The following RUBCNL variants were observed in gnomAD, a reference collection of about 807,000 sequenced individuals.
The protein encoded by RUBCNL is rubicon like autophagy enhancer, also known as protein associated with UVRAG as autophagy enhancer.
Under a neutral mutation model 69.5 loss-of-function variants are expected in RUBCNL, and 62 were observed. The observed-to-expected ratio is 0.89, with a 90% CI of 0.73 to 1.10. The LOEUF is 1.10. RUBCNL is among the 50% of genes least tolerant of loss of function. RUBCNL has a pLI of 0.00. For missense variants in RUBCNL, 768 were observed against 798.1 expected, an observed-to-expected ratio of 0.96 and a Z score of 0.45; for synonymous variants, 291 against 303.6, an observed-to-expected ratio of 0.96 and a Z score of 0.43.
chr13:46,358,136 C>A (rs577414294), intron 9 of RUBCNL, among the ~76,000 whole-genome samples: 1 of 152,184 alleles, frequency 6.6e-6, no homozygotes, highest in Non-Finnish European at 1.5e-5. Context: ...CAACCTCTCA[C>A]GATGCCTAGA....
At chr13:46,361,392 T>A in intron 8 of RUBCNL, 49 bp downstream of exon 8, 4 of 1,603,114 alleles carry the variant, frequency 2.5e-6, no homozygotes, top group Non-Finnish European at 2.6e-6. Context: ...GCAGGCAAAA[T>A]GAGGATTTAG....
intron 3 of RUBCNL, among the ~76,000 whole-genome samples, chr13:46,371,637 C>T (rs1417063484): frequency 5.3e-5 from 8 of 152,172 alleles, no homozygotes; most frequent in African/African-American, 1.9e-4. Context: ...AGAGTGCTTC[C>T]GATGCTCTCC....
rs184750612 is a variant in RUBCNL, at chr13:46,375,554, A to G, written c.-123+2336T>C. Among the ~76,000 whole-genome samples the G allele has an allele frequency of 2.0e-3, 299 of 152,310 alleles. 6 individuals are homozygous for G. The highest frequency in any genetic ancestry group is 2.5e-3 in the Non-Finnish European group (173 of 68,020). On this transcript the variant is annotated intron_variant, in intron 2 of 14. Coordinates refer to ENST00000429979, the MANE Select transcript of RUBCNL (RefSeq NM_025113.5). The stretch of plus-strand genomic sequence containing the variant: ...TCAAAAACAAAACAAAAAAAGAGCT[A>G]GAGAAAAGACCTCTGTGGCAGATAT...
intron 14 of RUBCNL, 87 bp downstream of exon 14, chr13:46,344,654 G>T: frequency 2.3e-6 from 2 of 852,516 alleles, no homozygotes; most frequent in South Asian, 1.5e-5. Flanking sequence ...CTATTATTCA[G>T]CTTAAGTTAA....
At chr13:46,368,279 AGCATAATCAACTTT>A in intron 4 of RUBCNL, 30 bp from the exon 5 acceptor site, 1 of 1,586,830 alleles carries the variant, frequency 6.3e-7, no homozygotes, top group Non-Finnish European at 8.6e-7. Flanking sequence ...TTAAAATACA[AGCATAATCAACTTT>A]TTCATGGAGG....
At chr13:46,362,700 A>G in intron 6 of RUBCNL, 102 bp from the exon 7 acceptor site, 1 of 754,140 alleles carries the variant, frequency 1.3e-6, no homozygotes, top group East Asian at 2.7e-5. Context: ...GCATCTCAGA[A>G]AGAGCAAATT....
chr13:46,341,195 G>C lies in RUBCNL; in HGVS notation c.*2190C>G, dbSNP rs372028611. ...TGTGAAGAGTGCAGAGGCAGAAAATGAATCACTGACCTTTACAGCACTGCA... is the reference window on the plus strand; with the variant it reads ...TGTGAAGAGTGCAGAGGCAGAAAATCAATCACTGACCTTTACAGCACTGCA... On this transcript the variant is annotated 3_prime_UTR_variant, in exon 15 of 15. Transcript: ENST00000429979. Among the ~76,000 whole-genome samples the C allele has an allele frequency of 1.3e-5, 2 of 152,176 alleles. No individual in the cohort carries two copies. Among genetic ancestry groups the C allele is most frequent in the Non-Finnish European group, 2.9e-5 (2 of 68,030 alleles).
chr13:46,353,906 T>G (rs1039061494), intron 10 of RUBCNL, among the ~76,000 whole-genome samples: 3 of 152,224 alleles, frequency 2.0e-5, no homozygotes, highest in Non-Finnish European at 4.4e-5. Context: ...TCAATTAATT[T>G]AATTTTAAAT....
At chr13:46,379,473 C>T (rs1404854616) in intron 1 of RUBCNL, among the ~76,000 whole-genome samples, 1 of 152,200 alleles carries the variant, frequency 6.6e-6, no homozygotes, top group East Asian at 1.9e-4. Context: ...ATTCTTTGCA[C>T]TTATGAATGA....
At position 46,372,297 on chromosome 13, in the gene RUBCNL, T is replaced by C. The variant is rs767303473; in HGVS notation, c.179A>G (p.Gln60Arg). The C allele has an allele frequency of 3.7e-6, 6 of 1,614,040 alleles. No individual in the cohort carries two copies. In the East Asian group the frequency reaches 1.3e-4, roughly 36 times the overall value. The change falls in exon 3 of 15, where the codon CAG (glutamine) becomes CGG (arginine). Residue 60 changes from glutamine (Q) to arginine (R), a missense_variant. Gln to Arg is a conservative substitution (Grantham distance 43). Coordinates refer to ENST00000429979, the MANE Select transcript of RUBCNL (RefSeq NM_025113.5). ...AGATTGCAAGTCCTGCGGCTGTTGC[T>C]GCACATCCTGGGGGTTAATCCAGAC... ...KAVWINPQDVQQQPQDLQSQV... is the reference protein window; with the variant it reads ...KAVWINPQDVRQQPQDLQSQV...
chr13:46,345,858 C>T (rs953294918), intron 12 of RUBCNL, among the ~76,000 whole-genome samples: 5 of 152,210 alleles, frequency 3.3e-5, no homozygotes, highest in African/African-American at 1.2e-4. Flanking sequence ...GTATCTCTTA[C>T]AGCCTGCCCA....
At chr13:46,381,529 G>A (rs904664146) in intron 1 of RUBCNL, among the ~76,000 whole-genome samples, 1 of 152,102 alleles carries the variant, frequency 6.6e-6, no homozygotes, top group East Asian at 1.9e-4. Context: ...TGGTAATGAT[G>A]GCATATATTT....
At chr13:46,389,263 A>G (rs1008842804), upstream of RUBCNL, among the ~76,000 whole-genome samples, 1 of 152,256 alleles carries the variant, frequency 6.6e-6, no homozygotes, top group African/African-American at 2.4e-5. The surrounding 1 kb of genome is among the most constrained non-coding windows in gnomAD (Gnocchi z 4.2). Flanking sequence ...AATAGGTAGC[A>G]CAGTTAGGCT....
At position 46,339,607 on chromosome 13, in the gene RUBCNL, C is replaced by G. The variant is rs1282900984; in HGVS notation, c.*3778G>C. On this transcript the variant is annotated 3_prime_UTR_variant, in exon 15 of 15. Transcript: ENST00000429979. ...GGCGCAGTGGCTCAGGCCTGTAATC[C>G]CAGCACTTTTGGAAGCCGAAGCAGG... is the stretch of plus-strand genomic sequence containing the variant. Among the ~76,000 whole-genome samples the G allele has an allele frequency of 2.0e-5, 3 of 152,098 alleles. No individual in the cohort carries two copies. Among genetic ancestry groups the G allele is most frequent in the Admixed American group, 2.0e-4 (3 of 15,272 alleles).
intron 5 of RUBCNL, among the ~76,000 whole-genome samples, chr13:46,365,529 G>T (rs933195088): frequency 1.3e-5 from 2 of 152,146 alleles, no homozygotes; most frequent in African/African-American, 2.4e-5. Flanking sequence ...CCTCCCCTGG[G>T]ATACAAACCA....
At position 46,335,254 on chromosome 13, in the gene RUBCNL, G is replaced by GTTTTTT. The variant is rs1232528360; in HGVS notation, c.*8130_*8131insAAAAAA. Among the ~76,000 whole-genome samples the GTTTTTT allele has an allele frequency of 9.3e-6, 1 of 107,216 alleles. No individual in the cohort carries two copies. Among genetic ancestry groups the GTTTTTT allele is most frequent in the African/African-American group, 3.8e-5 (1 of 26,318 alleles). 70.3% of individuals were successfully genotyped at this position (107,216 alleles called of 152,430 possible). On this transcript the variant is annotated 3_prime_UTR_variant, in exon 15 of 15. Coordinates refer to ENST00000429979, the MANE Select transcript of RUBCNL (RefSeq NM_025113.5). ...TAATTTGTGTCTTTTTGTTGTTGTT[G>GTTTTTT]TTGTTGTTTTTTTTTTTTTTTTTTT... is the stretch of plus-strand genomic sequence containing the variant.
At chr13:46,350,491 A>G in intron 10 of RUBCNL, 140 bp from the exon 11 acceptor site, 1 of 632,994 alleles carries the variant, frequency 1.6e-6, no homozygotes. Flanking sequence ...CAACCTCATG[A>G]CAGCTGGGAA....
chr13:46,381,959 T>C (rs115280017), intron 1 of RUBCNL, among the ~76,000 whole-genome samples: 1,964 of 152,192 alleles, frequency 0.013, 39 homozygotes, highest in African/African-American at 0.044. Context: ...TGTGCCACCA[T>C]ATCTGGCCAA....
At chr13:46,384,242 A>G (rs1187143201) in intron 1 of RUBCNL, among the ~76,000 whole-genome samples, 1 of 152,234 alleles carries the variant, frequency 6.6e-6, no homozygotes, top group Non-Finnish European at 1.5e-5. Context: ...AACAAACTTA[A>G]AAGTCCCATG....
Sources: gnomAD v4.1 joint callset for allele counts (sites outside exome capture counted in the v4.1 genomes callset) on GRCh38, gnomAD v4.1.1 for gene constraint, Gnocchi (gnomAD v3.1) non-coding constraint, MANE v1.5 for transcripts, NCBI Gene and HGNC (gene_info 2026-07-23, HGNC 2026-07-21) for gene names.